DCDC1: variants seen among roughly 807,000 people sequenced by gnomAD.
DCDC1 encodes the protein doublecortin domain containing 1.
DCDC1 carries 200 observed loss-of-function variants against 178.3 expected under a neutral mutation model. That is an observed-to-expected ratio of 1.12 (90% CI 1.00 to 1.26). The LOEUF (loss-of-function observed/expected upper bound fraction) is 1.26, where lower values mean the gene tolerates loss of function less well. Ranked by LOEUF, DCDC1 falls within the 50% of genes most tolerant of loss-of-function variation. The probability of loss-of-function intolerance (pLI) is 0.00; values close to 1 mark genes in which losing one functional copy is unlikely to be tolerated. For missense variants in DCDC1, 1,983 were observed against 1,749.2 expected (o/e 1.13, Z -2.38); for synonymous variants, 690 against 604.8 (o/e 1.14, Z -2.07).
chr11:31,000,618 AAG>A (rs983091056), intron 20 of DCDC1, among the ~76,000 whole-genome samples: 1 of 152,106 alleles, frequency 6.6e-6, no homozygotes, highest in East Asian at 1.9e-4. Flanking sequence ...CACTCTTCCC[AAG>A]AGAGAGGGTT....
At chr11:31,078,300 T>C (rs902994253) in intron 17 of DCDC1, among the ~76,000 whole-genome samples, 3 of 152,080 alleles carry the variant, frequency 2.0e-5, no homozygotes, top group Admixed American at 6.5e-5. Flanking sequence ...GAGAATAGTA[T>C]GAAAAAAGAT....
At chr11:31,281,209 T>C (rs2137280757) in intron 7 of DCDC1, among the ~76,000 whole-genome samples, 1 of 152,256 alleles carries the variant, frequency 6.6e-6, no homozygotes, top group African/African-American at 2.4e-5. Context: ...ATAGTTTTTA[T>C]TTCTTCCTTT....
chr11:30,898,484 G>C (rs1361950898), intron 34 of DCDC1, among the ~76,000 whole-genome samples: 1 of 152,178 alleles, frequency 6.6e-6, no homozygotes, highest in Non-Finnish European at 1.5e-5. Flanking sequence ...CTTGGGGAAG[G>C]TGAGAGAGAG....
chr11:30,893,596 C>T lies in DCDC1; in HGVS notation c.4903-599G>A, dbSNP rs560458677. On this transcript the variant is annotated intron_variant, in intron 35 of 38. Transcript: ENST00000684477. ...CACGAAGTCTTATTTCTAGGGATGT[C>T]AATTCCTTTTGTTCTAGTAACCTTG... is the stretch of plus-strand genomic sequence containing the variant. Among the ~76,000 whole-genome samples, 5 of 152,238 alleles carry T rather than the reference C, an allele frequency of 3.3e-5. No homozygotes were observed. The South Asian group carries it at 8.3e-4, about 25-fold the overall frequency.
At chr11:31,197,125 A>G (rs1031780032) in intron 9 of DCDC1, among the ~76,000 whole-genome samples, 1 of 152,102 alleles carries the variant, frequency 6.6e-6, no homozygotes, top group Admixed American at 6.6e-5. Context: ...AGGGTGCAAT[A>G]AGAGAAACTG....
Position 31,091,410 on chromosome 11 carries a change from T to G in DCDC1, c.2220A>C (p.Lys740Asn), listed in dbSNP as rs371147576. The part of the protein sequence containing the change: ...AAEGTSLEGY[K>N]LILQKRHSGD... ...AGCATTACCTTTTCTGTAAGATTAA[T>G]TTATATCCTTCTAGTGATGTTCCCT... is the stretch of plus-strand genomic sequence containing the variant. Residue 740 changes from lysine (K) to asparagine (N), a missense_variant, in exon 17 of 39, where the codon AAA becomes AAC. Transcript: ENST00000684477. The G allele has an allele frequency of 2.0e-5, 15 of 751,482 alleles. No homozygotes were observed. The highest frequency in any genetic ancestry group is 3.4e-5 in the African/African-American group (2 of 58,908). The allele number at this position is 751,482 out of a possible 1,614,324, so 46.6% of individuals were successfully genotyped here.
chr11:30,951,814 G>C (rs1024356689), intron 21 of DCDC1, among the ~76,000 whole-genome samples: 6 of 152,182 alleles, frequency 3.9e-5, no homozygotes, highest in Middle Eastern at 3.4e-3. Flanking sequence ...AAGAACACAA[G>C]AAAGGGGTGA....
intron 15 of DCDC1, among the ~76,000 whole-genome samples, chr11:31,097,138 G>T (rs966758952): frequency 2.6e-5 from 4 of 152,186 alleles, no homozygotes; most frequent in African/African-American, 7.2e-5. Flanking sequence ...TGAATAAACT[G>T]TGCTGATGTA....
chr11:31,077,175 T>C (rs745568800), intron 18 of DCDC1, among the ~76,000 whole-genome samples: 3 of 152,254 alleles, frequency 2.0e-5, no homozygotes, highest in Non-Finnish European at 4.4e-5. Flanking sequence ...AGTAGAAATA[T>C]AGACAGTAAA....
rs764514632 is a variant in DCDC1, at chr11:31,110,347, A to G, written c.1500T>C (p.Gly500=). 5.1e-5 allele frequency: 36 copies of G among 702,278 alleles called. No individual in the cohort carries two copies. The highest frequency in any genetic ancestry group is 8.9e-5 in the Non-Finnish European group (34 of 383,926). 43.5% of individuals were successfully genotyped at this position (702,278 alleles called of 1,614,324 possible). ...GGLQLKVFEN[G]KNTGEISVGI... is the part of the protein sequence containing the mutation. The stretch of plus-strand genomic sequence containing the variant: ...CAACAGAGATCTCTCCAGTGTTTTT[A>G]CCATTTTCAAATACCTGAAAAATAA... Residue 500 remains glycine (G), a synonymous_variant, in exon 12 of 39, where the codon GGT becomes GGC. Coordinates refer to ENST00000684477, the MANE Select transcript of DCDC1 (RefSeq NM_001387274.1).
At chr11:31,275,788 A>G (rs957176786) in intron 7 of DCDC1, among the ~76,000 whole-genome samples, 66 of 152,122 alleles carry the variant, frequency 4.3e-4, no homozygotes, top group Non-Finnish European at 1.0e-4. Flanking sequence ...CCCAGTCTAC[A>G]ATTATCTTGA....
intron 36 of DCDC1, among the ~76,000 whole-genome samples, chr11:30,885,889 A>C (rs1943119992): frequency 6.6e-6 from 1 of 152,156 alleles, no homozygotes; most frequent in South Asian, 2.1e-4. Flanking sequence ...CTGATGTATC[A>C]ATATGTTCAT....
intron 17 of DCDC1, among the ~76,000 whole-genome samples, chr11:31,083,520 T>C (rs1349053568): frequency 1.3e-5 from 2 of 152,132 alleles, no homozygotes; most frequent in Non-Finnish European, 2.9e-5. Flanking sequence ...TATGGCAAAC[T>C]GGAGGATGTA....
intron 9 of DCDC1, among the ~76,000 whole-genome samples, chr11:31,215,533 G>A (rs1441812416): frequency 1.3e-5 from 2 of 150,624 alleles, no homozygotes; most frequent in Non-Finnish European, 3.0e-5. Flanking sequence ...GGTAGCTCAT[G>A]CCTGTAATCC....
intron 3 of DCDC1, among the ~76,000 whole-genome samples, chr11:31,322,063 A>T (rs1949393284): frequency 6.6e-6 from 1 of 152,176 alleles, no homozygotes; most frequent in African/African-American, 2.4e-5. Flanking sequence ...GTATAAATTG[A>T]TGTCCTGTTT....
At chr11:31,084,424 A>G (rs957742441) in intron 17 of DCDC1, among the ~76,000 whole-genome samples, 6 of 152,182 alleles carry the variant, frequency 3.9e-5, no homozygotes, top group Non-Finnish European at 7.3e-5. Flanking sequence ...ATGTCCTGGA[A>G]AAGATAAATG....
chr11:31,347,833 G>T (rs1166946842), intron 1 of DCDC1, among the ~76,000 whole-genome samples: 1 of 152,138 alleles, frequency 6.6e-6, no homozygotes, highest in Non-Finnish European at 1.5e-5. Flanking sequence ...CCAATTAATG[G>T]TGAAGAACTA....
intron 12 of DCDC1, among the ~76,000 whole-genome samples, chr11:31,109,049 G>A (rs1213254852): frequency 5.3e-5 from 8 of 151,888 alleles, no homozygotes; most frequent in Non-Finnish European, 1.0e-4. Flanking sequence ...ATTGCATACA[G>A]AAGCACAGCA....
chr11:31,181,651 A>AGTT (rs756077366), intron 9 of DCDC1, among the ~76,000 whole-genome samples: 39 of 152,336 alleles, frequency 2.6e-4, no homozygotes, highest in Non-Finnish European at 5.1e-4. Context: ...AAAACTAACA[A>AGTT]AAAGAAAGAA....
Sources: allele counts gnomAD v4.1 joint callset (sites outside exome capture counted in the v4.1 genomes callset), GRCh38; gene constraint gnomAD v4.1.1; transcripts MANE v1.5; gene names NCBI Gene and HGNC (gene_info 2026-07-23, HGNC 2026-07-21).